CKAP5: variants seen among roughly 807,000 people sequenced by gnomAD.
CKAP5 encodes cytoskeleton-associated protein 5.
A neutral mutation model predicts 232.8 loss-of-function variants in CKAP5; 27 were observed. The ratio of observed to expected loss-of-function variants is 0.12; its 90% CI spans 0.09 to 0.16. The LOEUF is 0.16. Among genes scored for constraint, CKAP5 ranks in the 10% least tolerant of loss-of-function variants. CKAP5 has a pLI of 1.00. For synonymous variants in CKAP5, 785 were observed against 841.1 expected, an observed-to-expected ratio of 0.93 and a Z score of 1.16; for missense variants, 1,838 against 2,424.7, an observed-to-expected ratio of 0.76 and a Z score of 5.08.
chr11:46,778,723 T>C (rs954673565), intron 20 of CKAP5, 124 bp from the exon 21 acceptor site: 48 of 731,232 alleles, frequency 6.6e-5, no homozygotes, highest in Non-Finnish European at 4.3e-5. Context: ...AGTAGGTAAT[T>C]TGACTACTAC....
rs886774855 is a variant in CKAP5, at chr11:46,743,122, T to TAA, written c.*899_*900dup. 46 of 152,290 alleles carry TAA rather than the reference T, an allele frequency of 3.0e-4. No individual in the cohort carries two copies. The highest frequency in any genetic ancestry group is 9.1e-4 in the African/African-American group (38 of 41,572). 9.4% of individuals were successfully genotyped at this position (152,290 alleles called of 1,614,324 possible). On this transcript the variant is annotated 3_prime_UTR_variant, in exon 44 of 44. Transcript: ENST00000529230. ...CTCATACAACCAAGCAGCAAACCAC[T>TAA]AAGATTTCCCAAACTCCATTAGTCA...
At chr11:46,768,311 C>T (rs2065221029) in intron 26 of CKAP5, among the ~76,000 whole-genome samples, 1 of 152,074 alleles carries the variant, frequency 6.6e-6, no homozygotes, top group South Asian at 2.1e-4. Flanking sequence ...CTACCTCAGC[C>T]TCCTGAATAG....
intron 22 of CKAP5, 40 bp downstream of exon 22, chr11:46,778,099 G>T (rs772549675): frequency 2.6e-6 from 4 of 1,548,508 alleles, no homozygotes; most frequent in Non-Finnish European, 3.5e-6. Context: ...TGCAGCAGTG[G>T]GGAGGGGAGA....
intron 38 of CKAP5, among the ~76,000 whole-genome samples, chr11:46,751,755 T>C (rs1008007568): frequency 6.6e-6 from 1 of 152,066 alleles, no homozygotes; most frequent in Admixed American, 6.6e-5. Flanking sequence ...TAATCATCCA[T>C]CTCTACTCCT....
intron 17 of CKAP5, among the ~76,000 whole-genome samples, chr11:46,783,851 G>A (rs1010538191): frequency 2.6e-5 from 4 of 151,698 alleles, no homozygotes; most frequent in Non-Finnish European, 5.9e-5. Flanking sequence ...CATTACAGGT[G>A]TGCACCACCA....
Position 46,809,863 on chromosome 11 carries a change from T to C in CKAP5, c.642A>G (p.Leu214=), listed in dbSNP as rs755985840. 1.9e-6 allele frequency: 3 copies of C among 1,608,196 alleles called. No individual in the cohort carries two copies. Among genetic ancestry groups the C allele is most frequent in the South Asian group, 2.3e-5 (2 of 88,724 alleles). ...TTGGCAGTTTGACCCATTCTTCTTC[T>C]AGTTCTTTCAACTGCAAATGTCATA... ...QNINSVQLKE[L]EEEWVKLPTS... The change falls in exon 6 of 44, where the codon CTA becomes CTG. Residue 214 remains leucine, a synonymous_variant. Coordinates refer to ENST00000529230, the MANE Select transcript of CKAP5 (RefSeq NM_001008938.4).
rs1201390474 is a variant in CKAP5, at chr11:46,839,156, A to C, written c.-38+7064T>G. On this transcript the variant is annotated intron_variant, in intron 1 of 43. Coordinates refer to ENST00000529230, the MANE Select transcript of CKAP5 (RefSeq NM_001008938.4). ...AAGTAAATAAGGAAAAGTGAAGTAA[A>C]AGTGACCAAGAGGGCTCCTCTAATT... Among the ~76,000 whole-genome samples, 3 of 152,234 alleles carry C rather than the reference A, an allele frequency of 2.0e-5. No homozygotes were observed. The East Asian group carries it at 5.8e-4, about 29-fold the overall frequency.
At chr11:46,778,363 T>TC in intron 21 of CKAP5, 50 bp from the exon 22 acceptor site, 1 of 1,601,714 alleles carries the variant, frequency 6.2e-7, no homozygotes, top group Non-Finnish European at 8.5e-7. Flanking sequence ...AAAATGATGA[T>TC]ATCACGTTAA....
chr11:46,765,599 C>CTTTTTT (rs147227678), intron 27 of CKAP5, among the ~76,000 whole-genome samples: 1 of 74,628 alleles, frequency 1.3e-5, no homozygotes, highest in African/African-American at 5.4e-5. Flanking sequence ...TTAATGACAT[C>CTTTTTT]TTTTTTTTTT....
intron 3 of CKAP5, among the ~76,000 whole-genome samples, chr11:46,816,786 ATTTT>A (rs397848056): frequency 7.1e-5 from 9 of 127,174 alleles, no homozygotes; most frequent in Admixed American, 1.7e-4. Flanking sequence ...CTTGCTTTCA[ATTTT>A]TTTTTTTTTT....
intron 12 of CKAP5, 89 bp from the exon 13 acceptor site, chr11:46,795,865 T>A: frequency 8.6e-7 from 1 of 1,161,870 alleles, no homozygotes. Context: ...CAACTACACA[T>A]AAGAATTCAG....
intron 16 of CKAP5, among the ~76,000 whole-genome samples, chr11:46,786,810 C>A (rs926130229): frequency 6.6e-6 from 1 of 152,056 alleles, no homozygotes; most frequent in Non-Finnish European, 1.5e-5. Context: ...CATGACCCAG[C>A]GCGCACACAC....
In CKAP5 at chr11:46,798,178, A is replaced by AC; in HGVS notation, c.1084-7_1084-6insG. 1 of 1,590,266 alleles carries AC rather than the reference A, an allele frequency of 6.3e-7. No homozygotes were observed. On this transcript the variant is annotated splice_polypyrimidine_tract_variant and splice_region_variant and intron_variant, in intron 9 of 43. Coordinates refer to ENST00000529230, the MANE Select transcript of CKAP5 (RefSeq NM_001008938.4). Reference sequence around the variant, plus strand: ...TCCAAGATGGTTGGCACAACCTGTAAAAGTGAATGGCTAGCACATTATTCA... The same window carrying AC: ...TCCAAGATGGTTGGCACAACCTGTAACAAGTGAATGGCTAGCACATTATTCA...
At chr11:46,817,452 G>A (rs1163174874) in intron 3 of CKAP5, among the ~76,000 whole-genome samples, 1 of 152,024 alleles carries the variant, frequency 6.6e-6, no homozygotes, top group East Asian at 1.9e-4. Flanking sequence ...TACACTACCG[G>A]GAATCAGAAG....
chr11:46,809,071 C>A (rs1939216980), intron 7 of CKAP5, among the ~76,000 whole-genome samples: 1 of 152,054 alleles, frequency 6.6e-6, no homozygotes, highest in Non-Finnish European at 1.5e-5. Flanking sequence ...GTGCTAAGGT[C>A]AAGAAACCTT....
chr11:46,820,806 C>G (rs181862174), intron 2 of CKAP5: 48 of 157,328 alleles, frequency 3.1e-4, no homozygotes, highest in Non-Finnish European at 4.3e-4. Context: ...TGCTGGATTT[C>G]TAAGGCCAAA....
At chr11:46,750,800 A>C (rs898590311) in intron 40 of CKAP5, among the ~76,000 whole-genome samples, 189 bp from the exon 41 acceptor site, 2 of 152,242 alleles carry the variant, frequency 1.3e-5, no homozygotes, top group Non-Finnish European at 2.9e-5. Flanking sequence ...GAATGCCTCC[A>C]GTCTCAGATT....
rs1354169035 is a variant in CKAP5, at chr11:46,743,391, AAGAC to A, written c.*628_*631del. On this transcript the variant is annotated 3_prime_UTR_variant, in exon 44 of 44. Coordinates refer to ENST00000529230, the MANE Select transcript of CKAP5 (RefSeq NM_001008938.4). ...AGTTCCTTCCATTCCAAAGGAATAA[AAGAC>A]AGCTCCAAGTCTGTGAGCCAAGAAA... 1 of 152,638 alleles carries A rather than the reference AAGAC, an allele frequency of 6.6e-6. No individual in the cohort carries two copies. Among genetic ancestry groups the A allele is most frequent in the Non-Finnish European group, 1.5e-5 (1 of 68,294 alleles). 9.5% of individuals were successfully genotyped at this position (152,638 alleles called of 1,614,324 possible).
rs142364564 is a variant in CKAP5 at position 46,752,161 on chromosome 11, CATATATATATAT to C, written c.5133+462_5133+473del. 6.0e-3 allele frequency among the ~76,000 whole-genome samples: 530 copies of C among 88,806 alleles called. 7 individuals are homozygous for C. Among genetic ancestry groups the C allele is most frequent in the African/African-American group, 0.018 (442 of 24,514 alleles). 58.3% of individuals were successfully genotyped at this position (88,806 alleles called of 152,430 possible). A position where few individuals can be genotyped will look rare whatever the true frequency, so the allele number is the denominator to read the frequency against. On this transcript the variant is annotated intron_variant, in intron 38 of 43. Transcript: ENST00000529230. ...GGAAGGGAAAAACTGAAGACCAATT[CATATATATATAT>C]ATATATATATATATATATATACACA...
Sources: gnomAD v4.1 joint callset for allele counts (sites outside exome capture counted in the v4.1 genomes callset) on GRCh38, gnomAD v4.1.1 for gene constraint, MANE v1.5 for transcripts, NCBI Gene and HGNC (gene_info 2026-07-23, HGNC 2026-07-21) for gene names.